GPC5: variants seen among roughly 807,000 people sequenced by gnomAD.
GPC5 encodes glypican-5.
GPC5 carries 47 observed loss-of-function variants against 53.9 expected under a neutral mutation model. The ratio of observed to expected loss-of-function variants is 0.87; its 90% CI spans 0.69 to 1.11. GPC5 has a LOEUF of 1.11. GPC5 is among the 50% of genes most tolerant of loss of function. The pLI, the probability that GPC5 is intolerant of heterozygous loss-of-function variation, is 0.00. For missense variants in GPC5, 748 were observed against 713.1 expected (o/e 1.05, Z -0.56); for synonymous variants, 286 against 263.3 (o/e 1.09, Z -0.84).
chr13:91,958,972 T>C (rs1425008220), intron 6 of GPC5, among the ~76,000 whole-genome samples: 1 of 150,400 alleles, frequency 6.6e-6, no homozygotes, highest in African/African-American at 2.4e-5. Flanking sequence ...CTTGAGTAAC[T>C]GGAAAATCAA....
chr13:91,759,457 T>C (rs949458309), intron 5 of GPC5, among the ~76,000 whole-genome samples: 1 of 152,136 alleles, frequency 6.6e-6, no homozygotes, highest in Non-Finnish European at 1.5e-5. Flanking sequence ...TGCTATCTAA[T>C]ACTAGATTTT....
chr13:92,605,619 G>C (rs1884226993), intron 7 of GPC5, among the ~76,000 whole-genome samples: 1 of 141,536 alleles, frequency 7.1e-6, no homozygotes, highest in African/African-American at 2.8e-5. Context: ...GTCTCGCTCT[G>C]TCGCCCAGGC....
At chr13:91,435,604 AT>A (rs1225376580) in intron 1 of GPC5, among the ~76,000 whole-genome samples, 2 of 152,042 alleles carry the variant, frequency 1.3e-5, no homozygotes, top group African/African-American at 4.8e-5. Flanking sequence ...TTTATTGAGG[AT>A]TTTTGCATCG....
At chr13:91,718,886 C>T (rs1363847474) in intron 3 of GPC5, among the ~76,000 whole-genome samples, 2 of 152,084 alleles carry the variant, frequency 1.3e-5, no homozygotes, top group Admixed American at 6.5e-5. Flanking sequence ...TTCTATTGTA[C>T]TGAAGTTAAC....
chr13:91,628,476 A>ATCTATCTG (rs1555331777), intron 2 of GPC5, among the ~76,000 whole-genome samples: 4 of 39,274 alleles, frequency 1.0e-4, no homozygotes, highest in African/African-American at 5.1e-4. Context: ...TATCATTTGT[A>ATCTATCTG]TCTATCTGTC....
rs1375700566 is a variant in GPC5, at chr13:92,025,590, A to G, written c.1401+117533A>G. Among the ~76,000 whole-genome samples the G allele has an allele frequency of 3.9e-5, 6 of 152,194 alleles. No homozygotes were observed. In the South Asian group the frequency reaches 1.0e-3, roughly 26 times the overall value. On this transcript the variant is annotated intron_variant, in intron 6 of 7. Coordinates refer to ENST00000377067, the MANE Select transcript of GPC5 (RefSeq NM_004466.6). ...CATGTAGTGTAAACTATGAAATGAA[A>G]GTAAGGATCTCAAAGAATTGGCCCA...
intron 6 of GPC5, among the ~76,000 whole-genome samples, chr13:91,954,398 G>A (rs1056450807): frequency 2.0e-5 from 3 of 152,102 alleles, no homozygotes; most frequent in African/African-American, 7.2e-5. Flanking sequence ...GACCAATATT[G>A]TTTTATTCCA....
At chr13:92,318,906 A>G (rs993110899) in intron 7 of GPC5, among the ~76,000 whole-genome samples, 2 of 152,122 alleles carry the variant, frequency 1.3e-5, no homozygotes, top group Non-Finnish European at 2.9e-5. Flanking sequence ...TTTATTCCAC[A>G]TCCCCAGAAA....
chr13:91,561,621 C>T (rs950943018), intron 2 of GPC5, among the ~76,000 whole-genome samples: 5 of 148,480 alleles, frequency 3.4e-5, no homozygotes, highest in African/African-American at 1.3e-4. Context: ...TAGCTATGAG[C>T]CTGGCATCAA....
chr13:92,460,752 G>A (rs923708008), intron 7 of GPC5, among the ~76,000 whole-genome samples: 1 of 152,164 alleles, frequency 6.6e-6, no homozygotes, highest in African/African-American at 2.4e-5. Flanking sequence ...CAGGCCAGAA[G>A]AAGACTTAAT....
chr13:92,790,151 C>G (rs763799214), intron 7 of GPC5, among the ~76,000 whole-genome samples: 1 of 152,090 alleles, frequency 6.6e-6, no homozygotes, highest in Non-Finnish European at 1.5e-5. Context: ...AGGGTGGTAT[C>G]TTCAAATCCA....
chr13:92,499,288 C>A (rs1035726819), intron 7 of GPC5, among the ~76,000 whole-genome samples: 1 of 152,124 alleles, frequency 6.6e-6, no homozygotes, highest in African/African-American at 2.4e-5. Flanking sequence ...GATAGAATTT[C>A]TCCCAAATGT....
At position 91,674,162 on chromosome 13, in the gene GPC5, A is replaced by G. The variant is rs76029501; in HGVS notation, c.326-19025A>G. ...TTGATGTTATATGGACATGATAACA[A>G]ATTTTATGTCAAGTTGACTGGGCCA... On this transcript the variant is annotated intron_variant, in intron 2 of 7. Coordinates refer to ENST00000377067, the MANE Select transcript of GPC5 (RefSeq NM_004466.6). Among the ~76,000 whole-genome samples, 126 of 152,242 alleles carry G rather than the reference A, an allele frequency of 8.3e-4. 1 individual carries two copies. The East Asian group carries it at 0.017, about 21-fold the overall frequency.
At chr13:92,228,753 C>T (rs2042507561) in intron 7 of GPC5, among the ~76,000 whole-genome samples, 1 of 152,050 alleles carries the variant, frequency 6.6e-6, no homozygotes, top group Non-Finnish European at 1.5e-5. Flanking sequence ...CATACATACA[C>T]ACACACAAAC....
chr13:92,175,650 T>C (rs974063384), intron 7 of GPC5, among the ~76,000 whole-genome samples: 3 of 152,132 alleles, frequency 2.0e-5, no homozygotes, highest in East Asian at 3.8e-4. Context: ...GAAAAGTCAC[T>C]TAAAAAAACT....
At chr13:91,836,150 G>A (rs985372681) in intron 5 of GPC5, among the ~76,000 whole-genome samples, 26 of 151,872 alleles carry the variant, frequency 1.7e-4, no homozygotes, top group Admixed American at 1.2e-3. Flanking sequence ...GAAAAATTTT[G>A]ACAATAAATA....
chr13:92,440,144 C>T (rs888613224), intron 7 of GPC5, among the ~76,000 whole-genome samples: 2 of 152,110 alleles, frequency 1.3e-5, no homozygotes, highest in African/African-American at 4.8e-5. Context: ...TATGCAGGTG[C>T]ATTACATAAG....
intron 7 of GPC5, among the ~76,000 whole-genome samples, chr13:92,839,991 T>C (rs2138831902): frequency 6.6e-6 from 1 of 150,858 alleles, no homozygotes; most frequent in Non-Finnish European, 1.5e-5. Context: ...AAGAATTGGT[T>C]GATTGTGGTA....
At chr13:91,579,624 C>CTT (rs3055895) in intron 2 of GPC5, among the ~76,000 whole-genome samples, 204 of 102,524 alleles carry the variant, frequency 2.0e-3, no homozygotes, top group Non-Finnish European at 2.7e-3. Flanking sequence ...TTTTCTTTTT[C>CTT]TTTTTTTTTT....
Sources: gnomAD v4.1 joint callset for allele counts (sites outside exome capture counted in the v4.1 genomes callset) on GRCh38, gnomAD v4.1.1 for gene constraint, MANE v1.5 for transcripts, NCBI Gene and HGNC (gene_info 2026-07-23, HGNC 2026-07-21) for gene names.